The following GAS7 variants were observed in gnomAD, a reference collection of about 807,000 sequenced individuals.
The protein encoded by GAS7 is growth arrest-specific protein 7.
GAS7 carries 28 observed loss-of-function variants against 71.1 expected under a neutral mutation model. The ratio of observed to expected loss-of-function variants is 0.39; its 90% confidence interval spans 0.29 to 0.54. The LOEUF is 0.54. Among genes scored for constraint, GAS7 ranks in the 20% least tolerant of loss-of-function variants. The probability of loss-of-function intolerance (pLI) is 0.62; values close to 1 mark genes in which losing one functional copy is unlikely to be tolerated. For synonymous variants in GAS7, 258 were observed against 245.8 expected, an observed-to-expected ratio of 1.05 and a Z score of -0.46; for missense variants, 436 against 627.8, an observed-to-expected ratio of 0.69 and a Z score of 3.27.
chr17:10,169,739 T>C (rs947899025), intron 1 of GAS7, among the ~76,000 whole-genome samples: 2 of 152,072 alleles, frequency 1.3e-5, no homozygotes, highest in African/African-American at 2.4e-5. Flanking sequence ...ACTCCTTAGG[T>C]GATCTCATCC....
chr17:9,935,117 C>T (rs984894941), intron 8 of GAS7, among the ~76,000 whole-genome samples: 4 of 152,220 alleles, frequency 2.6e-5, no homozygotes, highest in African/African-American at 9.6e-5. Flanking sequence ...TCCTTGGCTT[C>T]CAGGAGTGGG....
chr17:10,092,649 C>T (rs181418678), intron 1 of GAS7, among the ~76,000 whole-genome samples: 1 of 152,358 alleles, frequency 6.6e-6, no homozygotes, highest in East Asian at 1.9e-4. Context: ...CTTCAACCCA[C>T]ATGTTTTCTC....
chr17:10,151,271 C>T (rs1443346915), intron 1 of GAS7, among the ~76,000 whole-genome samples: 1 of 152,024 alleles, frequency 6.6e-6, no homozygotes, highest in African/African-American at 2.4e-5. Context: ...CTGCTAGTAG[C>T]TGGGACTATA....
At chr17:10,174,960 A>G (rs1430538595) in intron 1 of GAS7, among the ~76,000 whole-genome samples, 3 of 151,978 alleles carry the variant, frequency 2.0e-5, no homozygotes, top group African/African-American at 7.2e-5. Context: ...ATACTCCCAC[A>G]TTAGACTTCC....
At chr17:10,090,589 G>A (rs967756580) in intron 1 of GAS7, among the ~76,000 whole-genome samples, 3 of 152,048 alleles carry the variant, frequency 2.0e-5, no homozygotes, top group South Asian at 2.1e-4. Flanking sequence ...AGCCCTCTCT[G>A]CAGCTCACTC....
chr17:10,058,400 C>T (rs1394701266), intron 1 of GAS7, among the ~76,000 whole-genome samples: 3 of 151,360 alleles, frequency 2.0e-5, no homozygotes, highest in Admixed American at 2.0e-4. Context: ...TGCAGTAAAC[C>T]GAAATCACGC....
At chr17:10,153,995 T>A (rs1464164210) in intron 1 of GAS7, among the ~76,000 whole-genome samples, 1 of 152,232 alleles carries the variant, frequency 6.6e-6, no homozygotes, top group Non-Finnish European at 1.5e-5. Context: ...GGAGGACTGC[T>A]TGAGCCCAGG....
chr17:10,025,414 T>A (rs2072427844), intron 1 of GAS7, among the ~76,000 whole-genome samples: 1 of 151,714 alleles, frequency 6.6e-6, no homozygotes, highest in South Asian at 2.1e-4. Context: ...TCAAGCCTGA[T>A]CCTCCTGTCT....
At chr17:10,045,499 C>T (rs947553404) in intron 1 of GAS7, among the ~76,000 whole-genome samples, 3 of 152,156 alleles carry the variant, frequency 2.0e-5, no homozygotes, top group African/African-American at 7.2e-5. Flanking sequence ...GAGTTCAAGG[C>T]CAGCCTGGCC....
At chr17:10,019,994 C>G in intron 1 of GAS7, 97 bp from the exon 2 acceptor site, 2 of 1,194,076 alleles carry the variant, frequency 1.7e-6, no homozygotes, top group South Asian at 1.3e-5. Context: ...CCTACAGTAG[C>G]GTGACATTGG....
chr17:10,158,139 T>C (rs546975496), intron 1 of GAS7, among the ~76,000 whole-genome samples: 2 of 152,080 alleles, frequency 1.3e-5, no homozygotes, highest in African/African-American at 4.8e-5. Context: ...GCCTCCCTAG[T>C]AGCTGGGTCT....
At chr17:10,011,144 G>A (rs1016058235) in intron 2 of GAS7, among the ~76,000 whole-genome samples, 1 of 152,232 alleles carries the variant, frequency 6.6e-6, no homozygotes, top group Non-Finnish European at 1.5e-5. Context: ...GTTCACCACA[G>A]CACTCAGTTC....
chr17:10,025,266 A>G (rs2072422845), intron 1 of GAS7, among the ~76,000 whole-genome samples: 1 of 151,984 alleles, frequency 6.6e-6, no homozygotes. Context: ...AATTAATTAA[A>G]ATAATAGCTT....
rs1453649775 is a variant in GAS7, at chr17:9,916,178, AC to A, written c.*1049del. 1 of 232,972 alleles carries A rather than the reference AC, an allele frequency of 4.3e-6. No homozygotes were observed. The highest frequency in any genetic ancestry group is 8.5e-6 in the Non-Finnish European group (1 of 117,994). 14.4% of individuals were successfully genotyped at this position (232,972 alleles called of 1,614,324 possible). On this transcript the variant is annotated 3_prime_UTR_variant, in exon 14 of 14. Transcript: ENST00000432992. Reference sequence around the variant, plus strand: ...TCCCAGCCCTGCCATACACAAGAAGACAGAGCCATCTGGGGGATGGCAAAGA... The same window carrying A: ...TCCCAGCCCTGCCATACACAAGAAGAAGAGCCATCTGGGGGATGGCAAAGA...
intron 1 of GAS7, among the ~76,000 whole-genome samples, chr17:10,124,842 C>T (rs914609414): frequency 4.0e-5 from 6 of 151,884 alleles, no homozygotes; most frequent in African/African-American, 1.5e-4. Flanking sequence ...CGCTTGAACC[C>T]GGGAGGTGGA....
rs76652085 is a variant in GAS7 at position 9,912,110 on chromosome 17, C to G, written c.*5118G>C. On this transcript the variant is annotated 3_prime_UTR_variant, in exon 14 of 14. Coordinates refer to ENST00000432992, the MANE Select transcript of GAS7 (RefSeq NM_201433.2). ...CAAAGATCGACGAATGAGATCCAAA[C>G]GGTCATTACTTGCACTGTCTTTGGG... The G allele has an allele frequency of 4.3e-6, 1 of 231,984 alleles. No homozygotes were observed. The highest frequency in any genetic ancestry group is 6.1e-5 in the East Asian group (1 of 16,404). 14.4% of individuals were successfully genotyped at this position (231,984 alleles called of 1,614,324 possible). A position where few individuals can be genotyped will look rare whatever the true frequency, so the allele number is the denominator to read the frequency against.
intron 1 of GAS7, among the ~76,000 whole-genome samples, chr17:10,159,038 C>A (rs1205885786): frequency 2.2e-5 from 2 of 91,246 alleles, no homozygotes; most frequent in Non-Finnish European, 4.2e-5. Flanking sequence ...CCAGCGTGGA[C>A]AACAGAGTGA....
rs1419826825 is a variant in GAS7 at position 9,955,015 on chromosome 17, C to T, written c.525+4187G>A. ...GCAACCTCATGCACAGATGAGGAAA[C>T]TGAGACACAGAATGTTTAATTCTAG... On this transcript the variant is annotated intron_variant, in intron 5 of 13. Transcript: ENST00000432992. Among the ~76,000 whole-genome samples, 5 of 152,188 alleles carry T rather than the reference C, an allele frequency of 3.3e-5. No individual in the cohort carries two copies. The East Asian group carries it at 7.7e-4, about 23-fold the overall frequency.
intron 1 of GAS7, among the ~76,000 whole-genome samples, chr17:10,167,753 C>T (rs1236750627): frequency 6.6e-6 from 1 of 152,096 alleles, no homozygotes; most frequent in Non-Finnish European, 1.5e-5. Context: ...GGCTGGAGTG[C>T]AGCGGCACAA....
Sources: gnomAD v4.1 joint callset for allele counts (sites outside exome capture counted in the v4.1 genomes callset) on GRCh38, gnomAD v4.1.1 for gene constraint, MANE v1.5 for transcripts, NCBI Gene and HGNC (gene_info 2026-07-23, HGNC 2026-07-21) for gene names.